BCAS3: variants seen among roughly 807,000 people sequenced by gnomAD.
The protein encoded by BCAS3 is BCAS4/BCAS3 fusion.
BCAS3 carries 53 observed loss-of-function variants against 116.1 expected under a neutral mutation model. The ratio of observed to expected loss-of-function variants is 0.46; its 90% CI spans 0.37 to 0.57. BCAS3 has a LOEUF of 0.57. Among genes scored for constraint, BCAS3 ranks in the 20% least tolerant of loss-of-function variants. BCAS3 has a pLI of 0.00. For missense variants in BCAS3, 917 were observed against 1,165.4 expected (o/e 0.79, Z 3.10); for synonymous variants, 391 against 408.2 (o/e 0.96, Z 0.51).
intron 7 of BCAS3, among the ~76,000 whole-genome samples, chr17:60,820,745 T>C (rs2049889295): frequency 6.6e-6 from 1 of 152,066 alleles, no homozygotes; most frequent in African/African-American, 2.4e-5. Flanking sequence ...TGTTACGTTA[T>C]GGAGAAAAGA....
At chr17:60,947,496 G>C in intron 14 of BCAS3, 144 bp downstream of exon 14, 1 of 908,880 alleles carries the variant, frequency 1.1e-6, no homozygotes, top group East Asian at 2.6e-5. Flanking sequence ...AGATAAATAG[G>C]GAAAAATTCC....
chr17:61,285,743 CAA>C lies in BCAS3; in HGVS notation c.2426-82583_2426-82582del, dbSNP rs1400228899. On this transcript the variant is annotated intron_variant, in intron 22 of 23. Coordinates refer to ENST00000407086, the MANE Select transcript of BCAS3 (RefSeq NM_017679.5). This position sits in a 1 kb window ranked among gnomAD's most constrained non-coding sequence, Gnocchi z 5.4. ...CGATAAGGCTTGTTTATCCAGGAGA[CAA>C]GAGACTAGGAGCTAGGAGCTGCGGA... Among the ~76,000 whole-genome samples, 3 of 152,198 alleles carry C rather than the reference CAA, an allele frequency of 2.0e-5. No homozygotes were observed. Among genetic ancestry groups the C allele is most frequent in the Admixed American group, 6.5e-5 (1 of 15,282 alleles).
Position 61,344,953 on chromosome 17 carries a change from AC to A in BCAS3, c.2426-23370del, listed in dbSNP as rs1437833569. Among the ~76,000 whole-genome samples the A allele has an allele frequency of 3.3e-5, 5 of 151,734 alleles. No homozygotes were observed. Among genetic ancestry groups the A allele is most frequent in the African/African-American group, 1.2e-4 (5 of 41,280 alleles). ...CACACATACACACACACACACGCAC[AC>A]CCCTCACAGAAAAATAGCCACTCTG... On this transcript the variant is annotated intron_variant, in intron 22 of 23. Coordinates refer to ENST00000407086, the MANE Select transcript of BCAS3 (RefSeq NM_017679.5). This position sits in a 1 kb window ranked among gnomAD's most constrained non-coding sequence, Gnocchi z 4.1.
chr17:60,799,720 T>C (rs1390128397), intron 6 of BCAS3, among the ~76,000 whole-genome samples: 17 of 133,326 alleles, frequency 1.3e-4, no homozygotes, highest in African/African-American at 4.2e-4. Flanking sequence ...TTTTTTTTTT[T>C]TTTTTTTTTT....
intron 22 of BCAS3, among the ~76,000 whole-genome samples, chr17:61,280,326 T>C (rs1448415122): frequency 2.0e-5 from 3 of 152,232 alleles, no homozygotes; most frequent in Non-Finnish European, 2.9e-5. Flanking sequence ...TTGTGATAGA[T>C]ACAGACATAG....
chr17:60,800,989 TAG>T (rs748915646), intron 6 of BCAS3, among the ~76,000 whole-genome samples: 1 of 152,160 alleles, frequency 6.6e-6, no homozygotes, highest in African/African-American at 2.4e-5. Flanking sequence ...TGAAATATGA[TAG>T]AGTGATTTCC....
chr17:61,287,553 T>A (rs1422052159), intron 22 of BCAS3, among the ~76,000 whole-genome samples: 1 of 151,740 alleles, frequency 6.6e-6, no homozygotes, highest in Non-Finnish European at 1.5e-5. Context: ...TAGTGAGACC[T>A]CGTCTCTATG....
At chr17:61,197,200 T>C (rs1172792166) in intron 22 of BCAS3, among the ~76,000 whole-genome samples, 1 of 152,122 alleles carries the variant, frequency 6.6e-6, no homozygotes, top group Non-Finnish European at 1.5e-5. Context: ...AAGAGTGACA[T>C]AGTAAAATAA....
chr17:61,303,972 A>G (rs1026142212), intron 22 of BCAS3, among the ~76,000 whole-genome samples: 4 of 152,102 alleles, frequency 2.6e-5, no homozygotes, highest in African/African-American at 9.7e-5. Context: ...CAGCAGTGCC[A>G]TTTGTCATTA....
At position 60,865,122 on chromosome 17, in the gene BCAS3, G is replaced by C. The variant is rs116992231; in HGVS notation, c.477-3454G>C. On this transcript the variant is annotated intron_variant, in intron 7 of 23. Transcript: ENST00000407086. ...ACCAAAATGTGATGGAGAGACACTA[G>C]TTGAGCACGTAGTGTTGTAAAAATG... is the stretch of plus-strand genomic sequence containing the variant. Among the ~76,000 whole-genome samples, 3 of 152,166 alleles carry C rather than the reference G, an allele frequency of 2.0e-5. No individual in the cohort carries two copies. The East Asian group carries it at 5.8e-4, about 29-fold the overall frequency.
At position 61,145,908 on chromosome 17, in the gene BCAS3, AGAGACT is replaced by A. The variant is rs1487759317; in HGVS notation, c.2425+61346_2425+61351del. Among the ~76,000 whole-genome samples the A allele has an allele frequency of 6.6e-6, 1 of 151,798 alleles. No homozygotes were observed. Among genetic ancestry groups the A allele is most frequent in the Non-Finnish European group, 1.5e-5 (1 of 67,972 alleles). Reference sequence around the variant, plus strand: ...ATTTCAACCCAGGCCACTTGTTTGCAGAGACTGCCAAACCTTCCATTGCCGCTTCCA... The same window carrying A: ...ATTTCAACCCAGGCCACTTGTTTGCAGCCAAACCTTCCATTGCCGCTTCCA... On this transcript the variant is annotated intron_variant, in intron 22 of 23. Transcript: ENST00000407086. This position sits in a 1 kb window ranked among gnomAD's most constrained non-coding sequence, Gnocchi z 5.0.
At chr17:60,875,455 A>T (rs2055510824) in intron 9 of BCAS3, among the ~76,000 whole-genome samples, 1 of 152,118 alleles carries the variant, frequency 6.6e-6, no homozygotes, top group African/African-American at 2.4e-5. Context: ...AGAAGTTGGC[A>T]CATTTTCAAA....
Position 61,162,105 on chromosome 17 carries a change from C to G in BCAS3, c.2425+77541C>G, listed in dbSNP as rs2078203210. Reference sequence around the variant, plus strand: ...ATCTGTATGTGGATGGTTTTACTACCCCAAATGAAATGTACGTATCCTGGT... The same window carrying G: ...ATCTGTATGTGGATGGTTTTACTACGCCAAATGAAATGTACGTATCCTGGT... On this transcript the variant is annotated intron_variant, in intron 22 of 23. Coordinates refer to ENST00000407086, the MANE Select transcript of BCAS3 (RefSeq NM_017679.5). The surrounding 1 kb of genome is among the most constrained non-coding windows in gnomAD (Gnocchi z 5.6). Among the ~76,000 whole-genome samples, 2 of 152,124 alleles carry G rather than the reference C, an allele frequency of 1.3e-5. No homozygotes were observed. Among genetic ancestry groups the G allele is most frequent in the Admixed American group, 6.5e-5 (1 of 15,286 alleles).
chr17:61,014,031 G>A (rs962892373), intron 15 of BCAS3, among the ~76,000 whole-genome samples: 2 of 152,040 alleles, frequency 1.3e-5, no homozygotes, highest in Non-Finnish European at 2.9e-5. Flanking sequence ...ACTTTCGGGG[G>A]GGATGCTTTT....
chr17:60,895,147 T>C (rs1223911774), intron 10 of BCAS3, among the ~76,000 whole-genome samples: 1 of 152,114 alleles, frequency 6.6e-6, no homozygotes, highest in Non-Finnish European at 1.5e-5. Flanking sequence ...GGTGATCTCT[T>C]TTGTACATTT....
rs569806077 is a variant in BCAS3 at position 61,337,360 on chromosome 17, C to T, written c.2426-30967C>T. 5.3e-5 allele frequency among the ~76,000 whole-genome samples: 8 copies of T among 152,246 alleles called. No individual in the cohort carries two copies. Among genetic ancestry groups the T allele is most frequent in the Admixed American group, 2.0e-4 (3 of 15,292 alleles). On this transcript the variant is annotated intron_variant, in intron 22 of 23. Coordinates refer to ENST00000407086, the MANE Select transcript of BCAS3 (RefSeq NM_017679.5). The surrounding 1 kb of genome is among the most constrained non-coding windows in gnomAD (Gnocchi z 4.8). ...TGTTCTCCCAGGTCAGTGCTGCTTC[C>T]GTTGTAAATAAACCATTAGCTGGGG...
intron 22 of BCAS3, among the ~76,000 whole-genome samples, chr17:61,318,695 G>A (rs2054943540): frequency 6.6e-6 from 1 of 152,198 alleles, no homozygotes; most frequent in Non-Finnish European, 1.5e-5. Flanking sequence ...TTTCCAGCCA[G>A]AGTTGTCCAC....
rs1217417577 is a variant in BCAS3, at chr17:61,063,556, CA to C, written c.2030-11363del. ...TGCTGGGATTACAGGCATGAGCCAC[CA>C]TGCCCGGCCTCCTGTTATAGTTCTT... On this transcript the variant is annotated intron_variant, in intron 19 of 23. Coordinates refer to ENST00000407086, the MANE Select transcript of BCAS3 (RefSeq NM_017679.5). The surrounding 1 kb of genome is among the most constrained non-coding windows in gnomAD (Gnocchi z 5.3). Among the ~76,000 whole-genome samples the C allele has an allele frequency of 6.6e-6, 1 of 152,168 alleles. No homozygotes were observed. The highest frequency in any genetic ancestry group is 1.5e-5 in the Non-Finnish European group (1 of 68,034).
At chr17:61,027,125 A>AC (rs1290416142) in intron 16 of BCAS3, among the ~76,000 whole-genome samples, 13 of 151,892 alleles carry the variant, frequency 8.6e-5, no homozygotes, top group African/African-American at 2.6e-4. Context: ...AAAAAACAAA[A>AC]AAAAAAAAAC....
Sources: allele counts gnomAD v4.1 joint callset (sites outside exome capture counted in the v4.1 genomes callset), GRCh38; gene constraint gnomAD v4.1.1; non-coding constraint Gnocchi (gnomAD v3.1); transcripts MANE v1.5; gene names NCBI Gene and HGNC (gene_info 2026-07-23, HGNC 2026-07-21).